Variants in CHN2 observed in about 807,000 individuals in gnomAD.
The protein encoded by CHN2 is chimerin 2.
CHN2 carries 35 observed loss-of-function variants against 56.3 expected under a neutral mutation model. That is an observed-to-expected ratio of 0.62 (90% CI 0.47 to 0.82). CHN2 has a LOEUF of 0.82. Ranked by LOEUF, CHN2 falls within the 40% of genes least tolerant of loss-of-function variation. The probability of loss-of-function intolerance (pLI) is 0.00; values close to 1 mark genes in which losing one functional copy is unlikely to be tolerated. For synonymous variants in CHN2, 210 were observed against 212.8 expected (o/e 0.99, Z 0.12); for missense variants, 491 against 580.5 (o/e 0.85, Z 1.58).
chr7:29,425,168 G>GC (rs1804735432), intron 6 of CHN2, among the ~76,000 whole-genome samples: 1 of 152,226 alleles, frequency 6.6e-6, no homozygotes, highest in South Asian at 2.1e-4. Context: ...GAAAGACCCA[G>GC]CCCCCCTGCG....
chr7:29,311,908 G>T (rs561526254), intron 1 of CHN2, among the ~76,000 whole-genome samples: 173 of 152,318 alleles, frequency 1.1e-3, no homozygotes, highest in African/African-American at 4.0e-3. Flanking sequence ...GAGGAGGGGG[G>T]TGACTTAGAT....
At chr7:29,240,304 C>T (rs144361675) in intron 1 of CHN2, among the ~76,000 whole-genome samples, 168 of 152,324 alleles carry the variant, frequency 1.1e-3, no homozygotes, top group African/African-American at 3.8e-3. Flanking sequence ...TCCCCTTTCC[C>T]CTTCACCCCT....
At chr7:29,207,382 C>T (rs1477609196) in intron 1 of CHN2, among the ~76,000 whole-genome samples, 2 of 152,060 alleles carry the variant, frequency 1.3e-5, no homozygotes, top group African/African-American at 4.8e-5. Context: ...CAGATAGTTC[C>T]ATAGAGACTT....
At chr7:29,196,700 T>G (rs1011247637) in intron 1 of CHN2, among the ~76,000 whole-genome samples, 6 of 152,196 alleles carry the variant, frequency 3.9e-5, no homozygotes, top group Non-Finnish European at 5.9e-5. Context: ...TGCTGTGGCA[T>G]CTGAATTTCC....
At chr7:29,247,270 A>C (rs1375661068) in intron 1 of CHN2, among the ~76,000 whole-genome samples, 2 of 152,074 alleles carry the variant, frequency 1.3e-5, no homozygotes, top group Non-Finnish European at 2.9e-5. Context: ...CAAATTTTGG[A>C]TTTCTGTTTC....
intron 2 of CHN2, among the ~76,000 whole-genome samples, chr7:29,157,223 G>A (rs938807278): frequency 2.6e-5 from 4 of 152,142 alleles, no homozygotes; most frequent in African/African-American, 9.7e-5. Flanking sequence ...ACACCTCTGA[G>A]TGGGGAGGAA....
intron 1 of CHN2, among the ~76,000 whole-genome samples, chr7:29,251,729 G>A (rs1411509898): frequency 1.3e-5 from 2 of 152,158 alleles, no homozygotes; most frequent in East Asian, 3.8e-4. Flanking sequence ...TTGAAATGAA[G>A]AGAAATATGT....
intron 6 of CHN2, among the ~76,000 whole-genome samples, chr7:29,448,559 A>G (rs1279266267): frequency 6.6e-6 from 1 of 152,160 alleles, no homozygotes; most frequent in Non-Finnish European, 1.5e-5. Flanking sequence ...ATCCTGTAAG[A>G]TCCCGCCTCA....
At chr7:29,250,877 A>AT (rs11422679) in intron 1 of CHN2, among the ~76,000 whole-genome samples, 69,430 of 151,594 alleles carry the variant, frequency 0.46, 18,254 homozygotes, top group African/African-American at 0.72. Flanking sequence ...TGCCAGGCTA[A>AT]TTTTGTATTT....
chr7:29,388,395 A>G (rs527769492), intron 3 of CHN2, among the ~76,000 whole-genome samples: 1 of 152,364 alleles, frequency 6.6e-6, no homozygotes, highest in Admixed American at 6.5e-5. Context: ...TTCCTTCTAT[A>G]CAGAGGAGAC....
intron 1 of CHN2, chr7:29,213,220 G>C: frequency 8.8e-7 from 1 of 1,142,734 alleles, no homozygotes; most frequent in Non-Finnish European, 1.3e-6. Context: ...GTGTGAAGAT[G>C]AGTGAAATTG....
At chr7:29,209,031 C>G (rs934820733) in intron 1 of CHN2, 4 of 150,854 alleles carry the variant, frequency 2.7e-5, no homozygotes, top group African/African-American at 9.8e-5. Context: ...CCACCCCCAC[C>G]CCCCAGCAAA....
chr7:29,512,334 C>A (rs1791568461), intron 12 of CHN2, among the ~76,000 whole-genome samples: 1 of 152,174 alleles, frequency 6.6e-6, no homozygotes, highest in African/African-American at 2.4e-5. Context: ...TGTGTTCCTG[C>A]CAGATTCACA....
chr7:29,279,993 C>G (rs1343382366), intron 1 of CHN2, among the ~76,000 whole-genome samples: 1 of 152,080 alleles, frequency 6.6e-6, no homozygotes, highest in Non-Finnish European at 1.5e-5. Context: ...AAAGTGGAAG[C>G]TAGAATGGAT....
At chr7:29,398,210 G>A (rs1801916867) in intron 4 of CHN2, 163 bp from the exon 5 acceptor site, 3 of 538,188 alleles carry the variant, frequency 5.6e-6, no homozygotes, top group Middle Eastern at 4.7e-4. Context: ...GCATGTGAGG[G>A]GTGGTTCCAA....
chr7:29,161,585 T>C lies in CHN2; in HGVS notation c.274+14625T>C, dbSNP rs576605929. ...TGGAATGATCCCTAACCAAATTCCATGTATTCTCTAAGCCTCTGCTATTCA... is the reference window on the plus strand; with the variant it reads ...TGGAATGATCCCTAACCAAATTCCACGTATTCTCTAAGCCTCTGCTATTCA... On this transcript the variant is annotated intron_variant, in intron 2 of 6. Transcript: ENST00000439384. Among the ~76,000 whole-genome samples the C allele has an allele frequency of 5.9e-5, 9 of 152,318 alleles. No individual in the cohort carries two copies. In the East Asian group the frequency reaches 1.5e-3, roughly 26 times the overall value.
chr7:29,213,112 G>A, intron 1 of CHN2: 1 of 1,593,080 alleles, frequency 6.3e-7, no homozygotes, highest in Admixed American at 1.7e-5. Flanking sequence ...AGCTGCAGGG[G>A]AAGGCCTTAA....
chr7:29,478,048 G>A (rs1786750281), intron 6 of CHN2, among the ~76,000 whole-genome samples: 1 of 152,224 alleles, frequency 6.6e-6, no homozygotes, highest in African/African-American at 2.4e-5. Flanking sequence ...GACAGAAAGT[G>A]ACAAGTGCAA....
intron 6 of CHN2, among the ~76,000 whole-genome samples, chr7:29,467,873 A>G (rs1785666266): frequency 6.6e-6 from 1 of 152,114 alleles, no homozygotes; most frequent in Non-Finnish European, 1.5e-5. Flanking sequence ...GAGCTCAATA[A>G]TTGTTAGGTT....
Sources: allele counts gnomAD v4.1 joint callset (sites outside exome capture counted in the v4.1 genomes callset), GRCh38; gene constraint gnomAD v4.1.1; transcripts MANE v1.5; gene names NCBI Gene and HGNC (gene_info 2026-07-23, HGNC 2026-07-21).